RPL7L1: variants seen among roughly 807,000 people sequenced by gnomAD.
RPL7L1 encodes the protein ribosomal protein uL30-like.
RPL7L1 carries 20 observed loss-of-function variants against 30.3 expected under a neutral mutation model. The observed-to-expected ratio is 0.66, with a 90% CI of 0.46 to 0.96. The LOEUF is 0.96. RPL7L1 is among the 40% of genes least tolerant of loss of function. The probability of loss-of-function intolerance (pLI) is 0.00; values close to 1 mark genes in which losing one functional copy is unlikely to be tolerated. For missense variants in RPL7L1, 271 were observed against 314.9 expected, an observed-to-expected ratio of 0.86 and a Z score of 1.05; for synonymous variants, 107 against 110.1, an observed-to-expected ratio of 0.97 and a Z score of 0.18.
In RPL7L1 at chr6:42,886,427, G is replaced by T; in HGVS notation, c.731G>T (p.Gly244Val). Residue 244 changes from glycine to valine, a missense_variant, in exon 6 of 6, where the codon GGT becomes GTT. Coordinates refer to ENST00000493763, the MANE Select transcript of RPL7L1 (RefSeq NM_001366481.3). ...GAGATGGGCACACCTGGCTATCGGG[G>T]TGAACGCATCAATCAGCTCATCCGT... The part of the protein sequence containing the change: ...LKEMGTPGYR[G>V]ERINQLIRQL... 1 of 1,586,394 alleles carries T rather than the reference G, an allele frequency of 6.3e-7. No homozygotes were observed. The highest frequency in any genetic ancestry group is 8.5e-7 in the Non-Finnish European group (1 of 1,169,884).
At chr6:42,881,460 C>T (rs1409087769) in intron 2 of RPL7L1, 1 of 149,538 alleles carries the variant, frequency 6.7e-6, no homozygotes, top group Non-Finnish European at 1.5e-5. Context: ...GCGAGACACT[C>T]TCTCAAAAAA....
intron 4 of RPL7L1, chr6:42,885,541 C>A: frequency 6.3e-6 from 1 of 159,632 alleles, no homozygotes; most frequent in Non-Finnish European, 1.4e-5. Flanking sequence ...CACTGCACTC[C>A]AGCCTGGGAG....
chr6:42,885,343 A>G (rs1766224628), intron 4 of RPL7L1, among the ~76,000 whole-genome samples: 1 of 149,972 alleles, frequency 6.7e-6, no homozygotes, highest in African/African-American at 2.5e-5. Context: ...AAAAAAAAAA[A>G]AGGCCAGACA....
chr6:42,883,392 T>C, intron 2 of RPL7L1, 59 bp from the exon 3 acceptor site: 2 of 1,405,352 alleles, frequency 1.4e-6, no homozygotes, highest in Admixed American at 2.5e-5. Context: ...GAATTACTGT[T>C]CTAAAAGTAA....
chr6:42,880,216 T>A (rs949489658), intron 1 of RPL7L1, among the ~76,000 whole-genome samples: 7 of 152,122 alleles, frequency 4.6e-5, no homozygotes, highest in Non-Finnish European at 8.8e-5. Context: ...CGACAAGTGT[T>A]AACTCTGCAG....
chr6:42,888,330 TTAG>T lies in RPL7L1; in HGVS notation c.*1870_*1872del, dbSNP rs2114091550. On this transcript the variant is annotated 3_prime_UTR_variant, in exon 6 of 6. Coordinates refer to ENST00000493763, the MANE Select transcript of RPL7L1 (RefSeq NM_001366481.3). ...CCACACCCAGCTAATTCTTGTATTT[TTAG>T]TAGAGATGGAGACAGAGTTTCACCA... is the stretch of plus-strand genomic sequence containing the variant. 6.6e-6 allele frequency: 1 copy of T among 152,286 alleles called. No individual in the cohort carries two copies. Among genetic ancestry groups the T allele is most frequent in the South Asian group, 2.1e-4 (1 of 4,822 alleles). The allele number at this position is 152,286 out of a possible 1,614,324, so 9.4% of individuals were successfully genotyped here.
intron 2 of RPL7L1, 92 bp downstream of exon 2, chr6:42,881,058 T>G: frequency 1.4e-6 from 1 of 730,566 alleles, no homozygotes; most frequent in Admixed American, 2.2e-5. Context: ...ATTGACGAGC[T>G]CCCCCCAACG....
chr6:42,882,592 CA>C (rs57689508), intron 2 of RPL7L1: 36,133 of 104,618 alleles, frequency 0.35, 5,585 homozygotes, highest in African/African-American at 0.48. Context: ...AACCCTGTCT[CA>C]AAAAAAAAAA....
At chr6:42,883,226 T>C in intron 2 of RPL7L1, 1 of 382,994 alleles carries the variant, frequency 2.6e-6, no homozygotes, top group Non-Finnish European at 4.7e-6. Context: ...ATATGTAAAC[T>C]AATTTTTTGT....
intron 1 of RPL7L1, 92 bp downstream of exon 1, chr6:42,880,043 G>C: frequency 7.9e-7 from 1 of 1,273,150 alleles, no homozygotes; most frequent in Non-Finnish European, 1.1e-6. Flanking sequence ...ATTCCTGTGG[G>C]CTCTAGGAAT....
intron 4 of RPL7L1, chr6:42,885,445 A>G: frequency 6.7e-6 from 1 of 149,862 alleles, no homozygotes; most frequent in South Asian, 2.1e-4. Context: ...TTAGCCTGGC[A>G]CCTGTAGTCC....
At chr6:42,883,239 G>T in intron 2 of RPL7L1, 3 of 401,582 alleles carry the variant, frequency 7.5e-6, no homozygotes, top group Middle Eastern at 6.8e-4. Context: ...TTTTTTGTTC[G>T]TTATTTTTCC....
chr6:42,880,758 C>T (rs988808922), intron 1 of RPL7L1, 103 bp from the exon 2 acceptor site: 2 of 601,158 alleles, frequency 3.3e-6, no homozygotes, highest in Non-Finnish European at 5.9e-6. Context: ...GGTAATCCAC[C>T]CACCTCGGCC....
intron 1 of RPL7L1, 88 bp downstream of exon 1, chr6:42,880,039 G>C (rs1766014751): frequency 7.7e-7 from 1 of 1,300,586 alleles, no homozygotes; most frequent in African/African-American, 1.4e-5. Flanking sequence ...GCGGATTCCT[G>C]TGGGCTCTAG....
In RPL7L1 at chr6:42,883,702, C is replaced by G. The variant is rs1766164493; in HGVS notation, c.311+88C>G. 5.5e-6 allele frequency: 6 copies of G among 1,095,894 alleles called. No homozygotes were observed. The East Asian group carries it at 1.5e-4, about 27-fold the overall frequency. 67.9% of individuals were successfully genotyped at this position (1,095,894 alleles called of 1,614,324 possible). On this transcript the variant is annotated intron_variant, in intron 3 of 5. Transcript: ENST00000493763. Reference sequence around the variant, plus strand: ...CCCCTTTCTAGGGAGATAATATGCCCCAAGCCACTCAGGCAAATTGTGCTA... The same window carrying G: ...CCCCTTTCTAGGGAGATAATATGCCGCAAGCCACTCAGGCAAATTGTGCTA...
At chr6:42,882,221 G>A (rs1042266889) in intron 2 of RPL7L1, 1 of 150,740 alleles carries the variant, frequency 6.6e-6, no homozygotes, top group Non-Finnish European at 1.5e-5. Flanking sequence ...CTAATACAGT[G>A]TACATAATGT....
intron 3 of RPL7L1, 29 bp downstream of exon 3, chr6:42,883,643 T>G (rs1160157950): frequency 5.2e-6 from 8 of 1,548,906 alleles, no homozygotes; most frequent in Non-Finnish European, 7.0e-6. Flanking sequence ...TCTAATTGCA[T>G]GAGGCTGGGG....
intron 3 of RPL7L1, chr6:42,883,847 C>T: frequency 3.9e-6 from 1 of 259,306 alleles, no homozygotes; most frequent in African/African-American, 2.2e-5. Context: ...AGGACACCCT[C>T]TCTAAAGCAG....
rs892595918 is a variant in RPL7L1 at position 42,879,677 on chromosome 6, C to T, written c.-234C>T. 1 of 483,288 alleles carries T rather than the reference C, an allele frequency of 2.1e-6. No homozygotes were observed. Among genetic ancestry groups the T allele is most frequent in the Non-Finnish European group, 3.8e-6 (1 of 262,920 alleles). 29.9% of individuals were successfully genotyped at this position (483,288 alleles called of 1,614,324 possible). A position where few individuals can be genotyped will look rare whatever the true frequency, so the allele number is the denominator to read the frequency against. Reference sequence around the variant, plus strand: ...AGCACTTTGCTGTCCACAGCCAGGCCGCTTGTGATGAAACTGTAACTTACA... The same window carrying T: ...AGCACTTTGCTGTCCACAGCCAGGCTGCTTGTGATGAAACTGTAACTTACA... On this transcript the variant is annotated 5_prime_UTR_variant, in exon 1 of 6. Transcript: ENST00000493763.
Sources: gnomAD v4.1 joint callset for allele counts (sites outside exome capture counted in the v4.1 genomes callset) on GRCh38, gnomAD v4.1.1 for gene constraint, MANE v1.5 for transcripts, NCBI Gene and HGNC (gene_info 2026-07-23, HGNC 2026-07-21) for gene names.